CD2AP: variants seen among roughly 807,000 people sequenced by gnomAD.
CD2AP encodes the protein CD2-associated protein.
CD2AP carries 46 observed loss-of-function variants against 85.1 expected under a neutral mutation model. The observed-to-expected ratio is 0.54, with a 90% CI of 0.43 to 0.69. The LOEUF (loss-of-function observed/expected upper bound fraction) is 0.69. Among genes scored for constraint, CD2AP ranks in the 30% least tolerant of loss-of-function variants. The pLI is 0.00. For synonymous variants in CD2AP, 255 were observed against 252.9 expected (o/e 1.01, Z -0.08); for missense variants, 769 against 729.5 (o/e 1.05, Z -0.62).
intron 2 of CD2AP, among the ~76,000 whole-genome samples, chr6:47,505,677 AC>A (rs1175973781): frequency 7.9e-5 from 4 of 50,670 alleles, no homozygotes; most frequent in Admixed American, 2.1e-4. Flanking sequence ...GGGGGGGCTG[AC>A]CCCCCCATCT....
At chr6:47,617,270 C>T (rs1769618577) in intron 17 of CD2AP, among the ~76,000 whole-genome samples, 1 of 152,092 alleles carries the variant, frequency 6.6e-6, no homozygotes, top group Non-Finnish European at 1.5e-5. Context: ...TGGCCTTCCT[C>T]TTCCTTCCTT....
chr6:47,622,134 G>A (rs1769761929), intron 17 of CD2AP, among the ~76,000 whole-genome samples: 1 of 152,142 alleles, frequency 6.6e-6, no homozygotes, highest in Admixed American at 6.5e-5. Context: ...GGGAAAGCTG[G>A]CAGTCACAGG....
rs1769890284 is a variant in CD2AP, at chr6:47,625,698, A to G, written c.*1471A>G. ...AACCAATATTTTTCCTTTAAATTTT[A>G]ATCTTATAATATAGAAATCTTATGT... On this transcript the variant is annotated 3_prime_UTR_variant, in exon 18 of 18. Coordinates refer to ENST00000359314, the MANE Select transcript of CD2AP (RefSeq NM_012120.3). 6.6e-6 allele frequency: 1 copy of G among 151,812 alleles called. No homozygotes were observed. Among genetic ancestry groups the G allele is most frequent in the Non-Finnish European group, 1.5e-5 (1 of 67,790 alleles). The allele number at this position is 151,812 out of a possible 1,614,324, so 9.4% of individuals were successfully genotyped here.
At position 47,478,199 on chromosome 6, in the gene CD2AP, G is replaced by A. The variant is rs1448154146; in HGVS notation, c.-46G>A. ...GCCGCGCGAGCCACCACTGGAGGAGGAGGAGGAGGAGCGGACGTCGGCTTC... is the reference window on the plus strand; with the variant it reads ...GCCGCGCGAGCCACCACTGGAGGAGAAGGAGGAGGAGCGGACGTCGGCTTC... On this transcript the variant is annotated 5_prime_UTR_variant, in exon 1 of 18. Coordinates refer to ENST00000359314, the MANE Select transcript of CD2AP (RefSeq NM_012120.3). 4.5e-6 allele frequency: 7 copies of A among 1,561,772 alleles called. No individual in the cohort carries two copies. The highest frequency in any genetic ancestry group is 6.1e-6 in the Non-Finnish European group (7 of 1,153,734).
At chr6:47,479,820 C>CT (rs926392231) in intron 1 of CD2AP, among the ~76,000 whole-genome samples, 35 of 145,736 alleles carry the variant, frequency 2.4e-4, no homozygotes, top group South Asian at 8.7e-4. Flanking sequence ...TATTTAAATA[C>CT]TTTTTTTTTT....
intron 5 of CD2AP, chr6:47,562,977 T>C (rs911599252): frequency 1.3e-5 from 6 of 474,418 alleles, no homozygotes; most frequent in Non-Finnish European, 1.9e-5. Context: ...CAAAGAATCT[T>C]ACGCCCAGTA....
intron 11 of CD2AP, among the ~76,000 whole-genome samples, chr6:47,583,791 A>G (rs1024002428): frequency 3.3e-5 from 5 of 152,188 alleles, no homozygotes; most frequent in African/African-American, 1.2e-4. Flanking sequence ...GAGAGGGATT[A>G]CCTGATAATA....
At chr6:47,568,803 CA>C (rs1768072325) in intron 5 of CD2AP, among the ~76,000 whole-genome samples, 1 of 151,876 alleles carries the variant, frequency 6.6e-6, no homozygotes, top group Non-Finnish European at 1.5e-5. Context: ...GGAGAATATA[CA>C]GAGTGAAGAA....
intron 4 of CD2AP, among the ~76,000 whole-genome samples, chr6:47,551,678 A>G (rs1767528822): frequency 6.6e-6 from 1 of 152,160 alleles, no homozygotes; most frequent in South Asian, 2.1e-4. Flanking sequence ...TATGCCTGTG[A>G]GTCAAGAATT....
intron 2 of CD2AP, among the ~76,000 whole-genome samples, chr6:47,507,570 G>T (rs755553529): frequency 6.6e-6 from 1 of 151,930 alleles, no homozygotes; most frequent in African/African-American, 2.4e-5. Context: ...GATTCTCCTT[G>T]CCTCCCCTTG....
At chr6:47,483,913 A>C (rs1269042287) in intron 1 of CD2AP, among the ~76,000 whole-genome samples, 1 of 152,020 alleles carries the variant, frequency 6.6e-6, no homozygotes, top group Admixed American at 6.6e-5. Flanking sequence ...CAAGTACACA[A>C]TCCTTCAGGG....
chr6:47,545,514 G>GA (rs1368669666), intron 4 of CD2AP, among the ~76,000 whole-genome samples: 1 of 152,226 alleles, frequency 6.6e-6, no homozygotes, highest in East Asian at 1.9e-4. Context: ...ATGCTCTCTT[G>GA]AAAGTGCCAT....
chr6:47,484,818 A>G (rs144578375), intron 1 of CD2AP, among the ~76,000 whole-genome samples: 33 of 152,266 alleles, frequency 2.2e-4, no homozygotes, highest in African/African-American at 7.2e-4. Context: ...CGTCCAGATA[A>G]TTCCAAGGGA....
intron 5 of CD2AP, among the ~76,000 whole-genome samples, chr6:47,557,703 G>C (rs140110267): frequency 3.0e-4 from 45 of 152,186 alleles, no homozygotes; most frequent in African/African-American, 1.0e-3. Flanking sequence ...TTTGGTACCA[G>C]ACCATGCTGT....
In CD2AP at chr6:47,607,990, C is replaced by G. The variant is rs1332219962; in HGVS notation, c.1594C>G (p.Pro532Ala). Residue 532 changes from proline (P) to alanine (A), a missense_variant, in exon 15 of 18, where the codon CCA (proline) becomes GCA (alanine). Transcript: ENST00000359314. ...PKEEDSANLKPSELKKDTCYS... is the reference protein window; with the variant it reads ...PKEEDSANLKASELKKDTCYS... The stretch of plus-strand genomic sequence containing the variant: ...AGAAGAAGACAGTGCCAACCTGAAG[C>G]CATCTGAATTAAAAAAAGATACATG... 6.2e-7 allele frequency: 1 copy of G among 1,612,732 alleles called. No homozygotes were observed. The highest frequency in any genetic ancestry group is 1.3e-5 in the African/African-American group (1 of 74,828).
At chr6:47,616,989 A>T (rs1769609152) in intron 17 of CD2AP, among the ~76,000 whole-genome samples, 1 of 152,084 alleles carries the variant, frequency 6.6e-6, no homozygotes, top group Non-Finnish European at 1.5e-5. Context: ...GTTTTTAGAG[A>T]CAGGGAGTCA....
At chr6:47,553,210 AG>A (rs1253447559) in intron 4 of CD2AP, among the ~76,000 whole-genome samples, 1 of 152,220 alleles carries the variant, frequency 6.6e-6, no homozygotes, top group Non-Finnish European at 1.5e-5. Flanking sequence ...TGACTAACTT[AG>A]TAAAAGGTTG....
At position 47,579,007 on chromosome 6, in the gene CD2AP, G is replaced by A. The variant is rs368451359; in HGVS notation, c.904-378G>A. On this transcript the variant is annotated intron_variant, in intron 8 of 17. Transcript: ENST00000359314. ...CTGAGAACATTTTAACGTTATAAAT[G>A]GAATTTTAAAATTGATATAGTTTTT... Among the ~76,000 whole-genome samples, 4 of 152,038 alleles carry A rather than the reference G, an allele frequency of 2.6e-5. No homozygotes were observed. The South Asian group carries it at 6.2e-4, about 24-fold the overall frequency.
intron 1 of CD2AP, among the ~76,000 whole-genome samples, chr6:47,484,808 C>T (rs1351869873): frequency 6.6e-6 from 1 of 152,146 alleles, no homozygotes; most frequent in Admixed American, 6.5e-5. Context: ...GATGATTCAG[C>T]GTCCAGATAA....
Sources: gnomAD v4.1 joint callset for allele counts (sites outside exome capture counted in the v4.1 genomes callset) on GRCh38, gnomAD v4.1.1 for gene constraint, MANE v1.5 for transcripts, NCBI Gene and HGNC (gene_info 2026-07-23, HGNC 2026-07-21) for gene names.